The following ELAVL2 variants were observed in gnomAD, a reference collection of about 807,000 sequenced individuals.
ELAVL2 encodes ELAV like RNA binding protein 2.
ELAVL2 carries 4 observed loss-of-function variants against 34.6 expected under a neutral mutation model. That is an observed-to-expected ratio of 0.12 (90% CI 0.06 to 0.26). ELAVL2 has a LOEUF of 0.26. Ranked by LOEUF, ELAVL2 falls within the 10% of genes least tolerant of loss-of-function variation. The pLI is 1.00. For missense variants in ELAVL2, 432 were observed against 442.8 expected (o/e 0.98, Z 0.22); for synonymous variants, 193 against 154.8 (o/e 1.25, Z -1.83).
chr9:23,727,767 C>T (rs1322594898), intron 3 of ELAVL2, among the ~76,000 whole-genome samples: 2 of 152,018 alleles, frequency 1.3e-5, no homozygotes, highest in Non-Finnish European at 2.9e-5. Flanking sequence ...CTTCACTTCA[C>T]TCACCATGGA....
intron 2 of ELAVL2, among the ~76,000 whole-genome samples, chr9:23,734,091 T>C (rs1034892574): frequency 2.6e-5 from 4 of 152,192 alleles, no homozygotes; most frequent in Non-Finnish European, 5.9e-5. Flanking sequence ...CAAAATAATA[T>C]GAAAGGGGGT....
Position 23,690,141 on chromosome 9 carries a change from A to G in ELAVL2, c.*2416T>C, listed in dbSNP as rs1009516463. The G allele has an allele frequency of 2.0e-5, 3 of 152,596 alleles. No individual in the cohort carries two copies. The highest frequency in any genetic ancestry group is 6.5e-5 in the Admixed American group (1 of 15,274). The allele number at this position is 152,596 out of a possible 1,614,324, so 9.5% of individuals were successfully genotyped here. A position where few individuals can be genotyped will look rare whatever the true frequency, so the allele number is the denominator to read the frequency against. ...TTTGTTTATTGATGTACTGAACATG[A>G]AAAAGTACAAAGAATCCAAACACAA... is the stretch of plus-strand genomic sequence containing the variant. On this transcript the variant is annotated 3_prime_UTR_variant, in exon 7 of 7. Coordinates refer to ENST00000397312, the MANE Select transcript of ELAVL2 (RefSeq NM_004432.5).
chr9:23,773,879 G>A (rs1281628134), intron 1 of ELAVL2, among the ~76,000 whole-genome samples: 1 of 151,980 alleles, frequency 6.6e-6, no homozygotes, highest in African/African-American at 2.4e-5. Flanking sequence ...ATTATTGCTG[G>A]ACAAAACAAG....
intron 1 of ELAVL2, among the ~76,000 whole-genome samples, chr9:23,793,205 T>C (rs546585517): frequency 6.6e-6 from 1 of 152,214 alleles, no homozygotes; most frequent in Admixed American, 6.5e-5. Flanking sequence ...GGGCTTGTTA[T>C]GGCAAAACCT....
At chr9:23,849,083 T>C in the ELAVL2 span, among the ~76,000 whole-genome samples, 1 of 152,162 alleles carries the variant, frequency 6.6e-6, no homozygotes, top group Non-Finnish European at 1.5e-5. Context: ...GTTTACATTG[T>C]CACAAATACT....
At chr9:23,746,763 C>A (rs1204843856) in intron 2 of ELAVL2, among the ~76,000 whole-genome samples, 2 of 145,666 alleles carry the variant, frequency 1.4e-5, no homozygotes, top group Non-Finnish European at 3.0e-5. Flanking sequence ...AAGACTGAGA[C>A]AAGTTTGTCT....
At chr9:23,827,098 G>C (rs957271561), upstream of ELAVL2, among the ~76,000 whole-genome samples, 1 of 152,120 alleles carries the variant, frequency 6.6e-6, no homozygotes, top group Non-Finnish European at 1.5e-5. Context: ...TTCACTTCGA[G>C]GTGTCTAATG....
intron 2 of ELAVL2, among the ~76,000 whole-genome samples, chr9:23,750,096 G>C (rs555864936): frequency 4.7e-5 from 7 of 150,236 alleles, no homozygotes; most frequent in Non-Finnish European, 8.9e-5. Flanking sequence ...AAGAATATTA[G>C]ACATCCTCCT....
At position 23,810,876 on chromosome 9, in the gene ELAVL2, T is replaced by C. The variant is rs2062884410; in HGVS notation, c.-16+14930A>G. ...CGTGTCTCCTGGTTCCATCACCTTG[T>C]GGTAGTTCACCATCTTCAATTGCCA... On this transcript the variant is annotated intron_variant, in intron 1 of 6. Transcript: ENST00000397312. 2.0e-5 allele frequency among the ~76,000 whole-genome samples: 3 copies of C among 152,208 alleles called. No homozygotes were observed. The South Asian group carries it at 6.2e-4, about 31-fold the overall frequency.
chr9:23,708,230 A>G (rs1406493572), intron 3 of ELAVL2, among the ~76,000 whole-genome samples: 1 of 152,210 alleles, frequency 6.6e-6, no homozygotes, highest in Non-Finnish European at 1.5e-5. Flanking sequence ...TTACGTCGGT[A>G]ACAATGTTTA....
intron 2 of ELAVL2, among the ~76,000 whole-genome samples, chr9:23,759,051 C>A (rs1345783910): frequency 2.6e-5 from 4 of 152,004 alleles, no homozygotes; most frequent in African/African-American, 9.7e-5. Context: ...TATGATCCAG[C>A]ATCCCCACTA....
intron 2 of ELAVL2, among the ~76,000 whole-genome samples, chr9:23,754,612 C>A (rs2053080754): frequency 6.6e-6 from 1 of 152,106 alleles, no homozygotes; most frequent in Admixed American, 6.6e-5. Flanking sequence ...GCGTGCAGCA[C>A]CACCACACCT....
At chr9:23,788,888 G>A (rs543177816) in intron 1 of ELAVL2, among the ~76,000 whole-genome samples, 41 of 152,156 alleles carry the variant, frequency 2.7e-4, no homozygotes, top group South Asian at 4.1e-4. Context: ...AGAAGTACAC[G>A]CAGTGTAAAA....
rs1320837220 is a variant in ELAVL2, at chr9:23,746,814, GAAAAAGAAAAA to G, written c.229+15181_229+15191del. Among the ~76,000 whole-genome samples, 135 of 86,602 alleles carry G rather than the reference GAAAAAGAAAAA, an allele frequency of 1.6e-3. 1 individual carries two copies. Among genetic ancestry groups the G allele is most frequent in the Non-Finnish European group, 1.3e-3 (55 of 42,948 alleles). 56.8% of individuals were successfully genotyped at this position (86,602 alleles called of 152,430 possible). ...CCTTAGAAGTCTTTCCATGTAAACT[GAAAAAGAAAAA>G]AAAAAAAAAAAGCCTCTCTCATTTC... On this transcript the variant is annotated intron_variant, in intron 2 of 6. Coordinates refer to ENST00000397312, the MANE Select transcript of ELAVL2 (RefSeq NM_004432.5).
chr9:23,782,221 A>G (rs977020294), intron 1 of ELAVL2, among the ~76,000 whole-genome samples: 1 of 152,222 alleles, frequency 6.6e-6, no homozygotes, highest in Non-Finnish European at 1.5e-5. Flanking sequence ...CAATTTAAGA[A>G]TCACACGCTA....
chr9:23,804,631 T>C (rs1222213439), intron 1 of ELAVL2, among the ~76,000 whole-genome samples: 4 of 152,220 alleles, frequency 2.6e-5, no homozygotes, highest in African/African-American at 9.6e-5. Context: ...AATTGCTGGT[T>C]TGTAGTCTAT....
chr9:23,812,523 C>T (rs893728866), intron 1 of ELAVL2, among the ~76,000 whole-genome samples: 1 of 151,978 alleles, frequency 6.6e-6, no homozygotes, highest in Admixed American at 6.6e-5. Context: ...ACTAAGCCAC[C>T]CTGAGGTGCC....
At chr9:23,842,558 T>C in the ELAVL2 span, among the ~76,000 whole-genome samples, 1 of 152,122 alleles carries the variant, frequency 6.6e-6, no homozygotes, top group Non-Finnish European at 1.5e-5. Context: ...TATCAATATA[T>C]ATCTCTTTTT....
At chr9:23,719,430 A>G (rs1006249079) in intron 3 of ELAVL2, among the ~76,000 whole-genome samples, 1 of 152,192 alleles carries the variant, frequency 6.6e-6, no homozygotes, top group African/African-American at 2.4e-5. Context: ...ACTGTAGACA[A>G]TGCATATTTT....
Sources: allele counts gnomAD v4.1 joint callset (sites outside exome capture counted in the v4.1 genomes callset), GRCh38; gene constraint gnomAD v4.1.1; transcripts MANE v1.5; gene names NCBI Gene and HGNC (gene_info 2026-07-23, HGNC 2026-07-21).